Variants in FBXW8 observed in about 807,000 individuals in gnomAD.
The protein encoded by FBXW8 is F-box/WD repeat-containing protein 8.
In FBXW8, 57 loss-of-function variants were observed where a neutral mutation model predicts 65.3. The observed-to-expected ratio is 0.87, with a 90% CI of 0.71 to 1.09. The LOEUF (loss-of-function observed/expected upper bound fraction) is 1.09, where lower values mean the gene tolerates loss of function less well. FBXW8 is among the 50% of genes least tolerant of loss of function. FBXW8 has a pLI of 0.00. For synonymous variants in FBXW8, 308 were observed against 330.2 expected (o/e 0.93, Z 0.73); for missense variants, 777 against 814.8 (o/e 0.95, Z 0.57).
intron 5 of FBXW8, among the ~76,000 whole-genome samples, chr12:116,977,246 A>G (rs1007064055): frequency 5.3e-5 from 8 of 152,318 alleles, no homozygotes; most frequent in African/African-American, 1.9e-4. Flanking sequence ...TTGAAAGGGA[A>G]TTAATTGATA....
chr12:116,985,764 T>C (rs1232778033), intron 6 of FBXW8: 6 of 182,152 alleles, frequency 3.3e-5, no homozygotes, highest in Non-Finnish European at 6.9e-5. Context: ...TTTGACCTAA[T>C]ATATAAGTGA....
chr12:116,966,395 T>C (rs1168890818), intron 5 of FBXW8, among the ~76,000 whole-genome samples: 2 of 152,184 alleles, frequency 1.3e-5, no homozygotes, highest in Non-Finnish European at 2.9e-5. Flanking sequence ...CACACACATA[T>C]TCTTCTACAG....
chr12:116,995,370 G>A (rs1004266175), intron 7 of FBXW8, among the ~76,000 whole-genome samples: 4 of 152,224 alleles, frequency 2.6e-5, no homozygotes, highest in African/African-American at 9.7e-5. Context: ...TTTAAGCCAT[G>A]TAGGTGGTTT....
At chr12:117,023,959 C>T (rs553968865) in intron 8 of FBXW8, among the ~76,000 whole-genome samples, 188 bp from the exon 9 acceptor site, 26 of 152,170 alleles carry the variant, frequency 1.7e-4, no homozygotes, top group African/African-American at 6.3e-4. Flanking sequence ...TTAAACCATT[C>T]AGATGAGACC....
At chr12:116,942,508 G>GGGATTACA (rs1882659797) in intron 2 of FBXW8, among the ~76,000 whole-genome samples, 2 of 151,452 alleles carry the variant, frequency 1.3e-5, no homozygotes, top group Admixed American at 1.3e-4. Flanking sequence ...CCGAGTAGCT[G>GGGATTACA]GGATTACAGG....
chr12:116,942,562 G>A (rs1043507625), intron 2 of FBXW8, among the ~76,000 whole-genome samples: 8 of 151,512 alleles, frequency 5.3e-5, no homozygotes, highest in African/African-American at 1.7e-4. Context: ...TTTTAGTCGA[G>A]ATGGGGTTTC....
intron 9 of FBXW8, among the ~76,000 whole-genome samples, chr12:117,026,577 C>T (rs1954234393): frequency 6.6e-6 from 1 of 152,314 alleles, no homozygotes; most frequent in Admixed American, 6.5e-5. Context: ...GCCCAGCCCA[C>T]ACAGGCCTCG....
chr12:116,988,532 TGTGA>T (rs1398061806), intron 6 of FBXW8, 127 bp from the exon 7 acceptor site: 2 of 769,686 alleles, frequency 2.6e-6, no homozygotes, highest in African/African-American at 3.4e-5. Context: ...TTTCATTTCC[TGTGA>T]GTGTTTCATT....
At chr12:116,994,633 T>G (rs1352960738) in intron 7 of FBXW8, among the ~76,000 whole-genome samples, 1 of 152,246 alleles carries the variant, frequency 6.6e-6, no homozygotes, top group African/African-American at 2.4e-5. Context: ...AAGTGCTACA[T>G]TTTTGTCTGC....
intron 8 of FBXW8, 152 bp from the exon 9 acceptor site, chr12:117,023,995 G>A (rs766560393): frequency 3.1e-5 from 23 of 738,392 alleles, no homozygotes; most frequent in Non-Finnish European, 3.7e-5. Flanking sequence ...GACAGTCTGT[G>A]CTTGATGTCC....
At chr12:116,927,025 G>C (rs12321592) in intron 1 of FBXW8, among the ~76,000 whole-genome samples, 1 of 152,194 alleles carries the variant, frequency 6.6e-6, no homozygotes, top group East Asian at 1.9e-4. Flanking sequence ...CTTGTAAGCA[G>C]TAAGTCACTG....
At chr12:116,927,715 C>T (rs376410085) in intron 1 of FBXW8, among the ~76,000 whole-genome samples, 10 of 152,088 alleles carry the variant, frequency 6.6e-5, no homozygotes, top group Non-Finnish European at 8.8e-5. Flanking sequence ...ATTCCTGTGC[C>T]GTATACCAGG....
chr12:116,925,239 T>C (rs7952766), intron 1 of FBXW8, among the ~76,000 whole-genome samples: 20 of 151,396 alleles, frequency 1.3e-4, no homozygotes, highest in African/African-American at 4.1e-4. Context: ...GCTGCCTTAG[T>C]GGGGTGGGAG....
At chr12:116,981,000 C>G (rs182788757) in intron 5 of FBXW8, among the ~76,000 whole-genome samples, 15 of 152,190 alleles carry the variant, frequency 9.9e-5, no homozygotes, top group Non-Finnish European at 1.8e-4. Context: ...ACTGTGATAT[C>G]CCCAGTCCCT....
chr12:116,981,805 G>A (rs1398676659), intron 5 of FBXW8, among the ~76,000 whole-genome samples: 1 of 151,982 alleles, frequency 6.6e-6, no homozygotes, highest in African/African-American at 2.4e-5. Context: ...CTAGAGACGG[G>A]GTTTCACTTT....
intron 7 of FBXW8, among the ~76,000 whole-genome samples, chr12:117,006,891 C>G (rs907685807): frequency 7.2e-5 from 11 of 152,128 alleles, no homozygotes; most frequent in African/African-American, 2.4e-4. Flanking sequence ...TGTGTATCCA[C>G]AGAGAAATTC....
intron 4 of FBXW8, chr12:116,950,139 C>T (rs1237804867): frequency 1.9e-5 from 3 of 161,478 alleles, no homozygotes; most frequent in African/African-American, 7.2e-5. Flanking sequence ...TCTTCCTTCC[C>T]CACCATATAG....
At chr12:116,918,435 A>G (rs1012999258) in intron 1 of FBXW8, among the ~76,000 whole-genome samples, 2 of 152,120 alleles carry the variant, frequency 1.3e-5, no homozygotes, top group Non-Finnish European at 2.9e-5. Flanking sequence ...GTAACTGAAA[A>G]TTCCAGGTGG....
intron 8 of FBXW8, among the ~76,000 whole-genome samples, chr12:117,014,198 C>T (rs1565942348): frequency 1.3e-5 from 2 of 152,200 alleles, no homozygotes; most frequent in South Asian, 2.1e-4. Context: ...TTTCCTGTGT[C>T]ATCTCCATTC....
Sources: allele counts gnomAD v4.1 joint callset (sites outside exome capture counted in the v4.1 genomes callset), GRCh38; gene constraint gnomAD v4.1.1; transcripts MANE v1.5; gene names NCBI Gene and HGNC (gene_info 2026-07-23, HGNC 2026-07-21).